The following USP32 variants were observed in gnomAD, a reference collection of about 807,000 sequenced individuals.
USP32 encodes the protein ubiquitin specific peptidase 32.
A neutral mutation model predicts 204.8 loss-of-function variants in USP32; 59 were observed. The observed-to-expected ratio is 0.29, with a 90% confidence interval of 0.23 to 0.36. The LOEUF is 0.36. Ranked by LOEUF, USP32 falls within the 10% of genes least tolerant of loss-of-function variation. The pLI, the probability that USP32 is intolerant of heterozygous loss-of-function variation, is 1.00. For synonymous variants in USP32, 517 were observed against 678.4 expected (o/e 0.76, Z 3.70); for missense variants, 1,160 against 1,946.4 (o/e 0.60, Z 7.60).
At chr17:60,352,230 G>A (rs76642134) in intron 1 of USP32, among the ~76,000 whole-genome samples, 1 of 152,144 alleles carries the variant, frequency 6.6e-6, no homozygotes, top group South Asian at 2.1e-4. Flanking sequence ...CTCCATGAAG[G>A]CTTCTTAAAA....
intron 17 of USP32, 51 bp downstream of exon 17, chr17:60,214,569 T>G (rs1156961124): frequency 6.4e-7 from 1 of 1,558,812 alleles, no homozygotes; most frequent in Non-Finnish European, 8.7e-7. Context: ...CTATTTAAAA[T>G]TAAACAAATA....
intron 12 of USP32, among the ~76,000 whole-genome samples, chr17:60,228,969 A>G (rs1189198086): frequency 1.3e-5 from 2 of 151,976 alleles, no homozygotes; most frequent in Admixed American, 6.6e-5. Context: ...ACCTGGTTAA[A>G]TTAGGTTTCA....
chr17:60,355,851 G>A (rs1477490299), intron 1 of USP32, among the ~76,000 whole-genome samples: 16 of 15,896 alleles, frequency 1.0e-3, no homozygotes, highest in South Asian at 2.8e-3. Context: ...AAAAAAGAGA[G>A]AGAAAGAAAA....
At position 60,372,571 on chromosome 17, in the gene USP32, G is replaced by T. The variant is rs930876675; in HGVS notation, c.58+19311C>A. On this transcript the variant is annotated intron_variant, in intron 1 of 33. Coordinates refer to ENST00000300896, the MANE Select transcript of USP32 (RefSeq NM_032582.4). ...AAAAAAAAAAAAGTCCAGGCACGGT[G>T]GCTCACTCCTGTAATCCCAGCACTT... 1.3e-4 allele frequency among the ~76,000 whole-genome samples: 20 copies of T among 151,476 alleles called. No homozygotes were observed. In the South Asian group the frequency reaches 2.1e-3, roughly 16 times the overall value.
At chr17:60,287,063 T>C (rs762865734) in intron 5 of USP32, among the ~76,000 whole-genome samples, 3 of 152,094 alleles carry the variant, frequency 2.0e-5, no homozygotes, top group African/African-American at 4.8e-5. Context: ...GGCAGAAGAA[T>C]CGCTTGAACC....
intron 4 of USP32, among the ~76,000 whole-genome samples, chr17:60,288,967 C>G (rs1266185250): frequency 6.6e-6 from 1 of 152,156 alleles, no homozygotes; most frequent in Non-Finnish European, 1.5e-5. Context: ...ATTTTGTTTG[C>G]TAAGTATATC....
chr17:60,227,271 C>CTT (rs376585619), intron 12 of USP32, among the ~76,000 whole-genome samples: 8 of 122,886 alleles, frequency 6.5e-5, no homozygotes, highest in African/African-American at 1.1e-4. Flanking sequence ...TTCTTTTTTT[C>CTT]TTTTTTTTTT....
At chr17:60,373,377 T>C (rs2089479135) in intron 1 of USP32, among the ~76,000 whole-genome samples, 1 of 152,016 alleles carries the variant, frequency 6.6e-6, no homozygotes, top group Non-Finnish European at 1.5e-5. Context: ...ATAAACACTG[T>C]GCAATTCGGT....
At chr17:60,421,406 G>A in intron 1 of USP32, 2 of 985,668 alleles carry the variant, frequency 2.0e-6, no homozygotes, top group Non-Finnish European at 2.4e-6. Flanking sequence ...TGTGCCCGAG[G>A]TGGCCGCTGG....
chr17:60,304,507 A>G (rs1169660236), intron 2 of USP32, among the ~76,000 whole-genome samples: 1 of 152,232 alleles, frequency 6.6e-6, no homozygotes, highest in Non-Finnish European at 1.5e-5. Context: ...AATGGCATAA[A>G]TGAAGGTAAA....
At chr17:60,332,362 T>A (rs919705846) in intron 2 of USP32, among the ~76,000 whole-genome samples, 1 of 152,128 alleles carries the variant, frequency 6.6e-6, no homozygotes, top group Admixed American at 6.6e-5. Context: ...AAAAGTTTAC[T>A]CTGGGCCGGA....
chr17:60,262,121 T>A (rs180672251), intron 9 of USP32, among the ~76,000 whole-genome samples: 32 of 152,330 alleles, frequency 2.1e-4, no homozygotes, highest in African/African-American at 7.5e-4. Context: ...CTAAGCAAGG[T>A]ATCATATGAA....
chr17:60,392,242 C>T (rs1477268973), upstream of USP32: 2 of 454,622 alleles, frequency 4.4e-6, no homozygotes, highest in Non-Finnish European at 7.9e-6. Context: ...TCCGCCCCCT[C>T]CCGCCAGCTC....
At chr17:60,276,883 A>G (rs2086851737) in intron 5 of USP32, among the ~76,000 whole-genome samples, 1 of 151,616 alleles carries the variant, frequency 6.6e-6, no homozygotes, top group Non-Finnish European at 1.5e-5. Context: ...CATTTTCTGG[A>G]TATAGACTGC....
At chr17:60,369,805 A>G (rs1321234683) in intron 1 of USP32, among the ~76,000 whole-genome samples, 1 of 151,904 alleles carries the variant, frequency 6.6e-6, no homozygotes, top group Non-Finnish European at 1.5e-5. Context: ...TGCAGTAATC[A>G]TAACTCACTG....
intron 1 of USP32, among the ~76,000 whole-genome samples, chr17:60,378,274 T>C (rs543816674): frequency 5.9e-4 from 79 of 133,802 alleles, no homozygotes; most frequent in Middle Eastern, 3.5e-3. Context: ...TGGTTATTAA[T>C]TGAAAGAAAA....
intron 1 of USP32, among the ~76,000 whole-genome samples, chr17:60,411,363 T>TAAA (rs1567900583): frequency 2.4e-4 from 29 of 121,980 alleles, no homozygotes; most frequent in Non-Finnish European, 3.0e-4. Flanking sequence ...AAATAAATAA[T>TAAA]TAGCCAGCCA....
Position 60,408,038 on chromosome 17 carries a change from C to T in USP32, c.106+14208G>A, listed in dbSNP as rs569606578. On this transcript the variant is annotated intron_variant, in intron 1 of 3. Transcript: ENST00000588898. ...GCTTGAACCTGGGAGGTGGAGATTG[C>T]AGTGAGCTGAGATGTCGCCACTGCA... is the stretch of plus-strand genomic sequence containing the variant. Among the ~76,000 whole-genome samples, 3 of 151,978 alleles carry T rather than the reference C, an allele frequency of 2.0e-5. No homozygotes were observed. The South Asian group carries it at 6.2e-4, about 32-fold the overall frequency.
chr17:60,288,007 G>A (rs547259031), intron 5 of USP32, among the ~76,000 whole-genome samples: 31 of 150,982 alleles, frequency 2.1e-4, no homozygotes, highest in South Asian at 8.4e-4. Flanking sequence ...CCAGCTACTC[G>A]GGAGGCTGAG....
Sources: allele counts gnomAD v4.1 joint callset (sites outside exome capture counted in the v4.1 genomes callset), GRCh38; gene constraint gnomAD v4.1.1; transcripts MANE v1.5; gene names NCBI Gene and HGNC (gene_info 2026-07-23, HGNC 2026-07-21).